The following TBCK variants were observed in gnomAD, a reference collection of about 807,000 sequenced individuals.
The protein encoded by TBCK is TBC domain-containing protein kinase-like protein.
A neutral mutation model predicts 113.4 loss-of-function variants in TBCK; 99 were observed. The observed-to-expected ratio is 0.87, with a 90% CI of 0.74 to 1.03. The LOEUF (loss-of-function observed/expected upper bound fraction) is 1.03, where lower values mean the gene tolerates loss of function less well. Ranked by LOEUF, TBCK falls within the 50% of genes least tolerant of loss-of-function variation. The pLI, the probability that TBCK is intolerant of heterozygous loss-of-function variation, is 0.00. For missense variants in TBCK, 1,045 were observed against 1,061.3 expected (o/e 0.98, Z 0.21); for synonymous variants, 369 against 370.8 (o/e 1.00, Z 0.05).
chr4:106,046,657 C>A lies in TBCK; in HGVS notation c.2595G>T (p.Met865Ile), dbSNP rs1462320896. Residue 865 changes from methionine (M) to isoleucine (I), a missense_variant, in exon 26 of 26, where the codon ATG becomes ATT. Met to Ile is a conservative substitution (Grantham distance 10). Coordinates refer to ENST00000394708, the MANE Select transcript of TBCK (RefSeq NM_001163435.3). ...TAEFAAHLVKMKYPRICILDG... is the reference protein window; with the variant it reads ...TAEFAAHLVKIKYPRICILDG... ...CTAGAATACAGATTCTTGGATATTT[C>A]ATCTTCACAAGGTGAGCTGCAAACT... The A allele has an allele frequency of 6.2e-7, 1 of 1,610,770 alleles. No homozygotes were observed. Among genetic ancestry groups the A allele is most frequent in the East Asian group, 2.2e-5 (1 of 44,796 alleles).
Position 106,116,239 on chromosome 4 carries a change from G to T in TBCK, c.2375C>A (p.Pro792Gln). The change falls in exon 24 of 26, where the codon CCA becomes CAA. Residue 792 changes from proline to glutamine, a missense_variant. By Grantham distance (76) the Pro-to-Gln change is moderately conservative. Coordinates refer to ENST00000394708, the MANE Select transcript of TBCK (RefSeq NM_001163435.3). Reference protein sequence around the residue: ...TPSKKTKSSKPKLLVVDIRNS... With the variant: ...TPSKKTKSSKQKLLVVDIRNS... The stretch of plus-strand genomic sequence containing the variant: ...CCGGATGTCAACCACCAGGAGCTTT[G>T]GTTTACTGGACTTTGTTTTCTTGCT... 6.2e-7 allele frequency: 1 copy of T among 1,613,976 alleles called. No individual in the cohort carries two copies. The highest frequency in any genetic ancestry group is 8.5e-7 in the Non-Finnish European group (1 of 1,179,994).
chr4:106,262,023 A>AT, intron 4 of TBCK, 75 bp downstream of exon 4: 1 of 683,396 alleles, frequency 1.5e-6, no homozygotes, highest in East Asian at 3.0e-5. Context: ...TGTTCCTCTG[A>AT]CTGAGTAGCC....
At chr4:106,231,638 G>T in intron 18 of TBCK, 91 bp downstream of exon 18, 2 of 1,134,720 alleles carry the variant, frequency 1.8e-6, no homozygotes, top group Non-Finnish European at 2.6e-6. Flanking sequence ...GAGAATAAGA[G>T]CCTTAAAACA....
At chr4:106,238,912 C>A (rs1393564189) in intron 12 of TBCK, among the ~76,000 whole-genome samples, 4 of 152,116 alleles carry the variant, frequency 2.6e-5, no homozygotes, top group Admixed American at 2.0e-4. Flanking sequence ...GAGAGAAAAA[C>A]TTCTGGAGGC....
chr4:106,292,878 G>A (rs532713341), intron 3 of TBCK, among the ~76,000 whole-genome samples: 21 of 152,270 alleles, frequency 1.4e-4, no homozygotes, highest in African/African-American at 4.6e-4. Context: ...GTTCAAGTTC[G>A]CAGATAAAGT....
chr4:106,249,061 A>C, intron 7 of TBCK, 79 bp from the exon 8 acceptor site: 1 of 999,344 alleles, frequency 1.0e-6, no homozygotes, highest in Non-Finnish European at 1.5e-6. Flanking sequence ...CTGATCAAAA[A>C]TGTTTTAATG....
chr4:106,180,716 C>G (rs1162569771), intron 22 of TBCK, among the ~76,000 whole-genome samples: 1 of 152,010 alleles, frequency 6.6e-6, no homozygotes, highest in South Asian at 2.1e-4. Context: ...ATGAACTCAT[C>G]TTTTTTATGG....
At chr4:106,096,003 G>A (rs1336622304) in intron 24 of TBCK, among the ~76,000 whole-genome samples, 1 of 152,114 alleles carries the variant, frequency 6.6e-6, no homozygotes, top group Admixed American at 6.6e-5. Context: ...CTAGTCAGCT[G>A]CTGCTTCATC....
intron 19 of TBCK, among the ~76,000 whole-genome samples, chr4:106,226,357 A>T (rs1560861024): frequency 6.6e-6 from 1 of 152,224 alleles, no homozygotes; most frequent in Non-Finnish European, 1.5e-5. Context: ...ATGTAACAGA[A>T]GATGTCTCAT....
intron 2 of TBCK, among the ~76,000 whole-genome samples, chr4:106,302,039 A>G: frequency 6.6e-6 from 1 of 152,236 alleles, no homozygotes; most frequent in East Asian, 1.9e-4. Context: ...CTCTAACGGT[A>G]AATTATTCCT....
intron 25 of TBCK, among the ~76,000 whole-genome samples, chr4:106,067,753 T>C (rs1451973408): frequency 6.6e-6 from 1 of 152,168 alleles, no homozygotes; most frequent in East Asian, 1.9e-4. Context: ...ATAATCTATC[T>C]TTTCTCACTA....
At chr4:106,296,651 A>G (rs1560985385) in intron 2 of TBCK, among the ~76,000 whole-genome samples, 1 of 152,154 alleles carries the variant, frequency 6.6e-6, no homozygotes, top group Admixed American at 6.5e-5. Context: ...ATGGGATTAT[A>G]CAGAATGATC....
chr4:106,210,511 A>C (rs778468628), intron 20 of TBCK, among the ~76,000 whole-genome samples: 15 of 152,192 alleles, frequency 9.9e-5, no homozygotes, highest in Non-Finnish European at 2.2e-4. Flanking sequence ...CTCAGATCTG[A>C]AAGGTTCCCT....
At chr4:106,158,094 T>C (rs1315471773) in intron 23 of TBCK, among the ~76,000 whole-genome samples, 1 of 152,148 alleles carries the variant, frequency 6.6e-6, no homozygotes, top group Admixed American at 6.5e-5. Context: ...TCAAGGGAAA[T>C]ATTACATTGG....
At chr4:106,121,119 C>G (rs934799365) in intron 23 of TBCK, among the ~76,000 whole-genome samples, 2 of 152,034 alleles carry the variant, frequency 1.3e-5, no homozygotes, top group Admixed American at 6.6e-5. Flanking sequence ...GTGCTGTATT[C>G]AGGAAACCCA....
intron 23 of TBCK, among the ~76,000 whole-genome samples, chr4:106,122,680 A>C (rs1395612200): frequency 1.3e-5 from 2 of 152,188 alleles, no homozygotes; most frequent in East Asian, 1.9e-4. Context: ...ATCCACTATC[A>C]TCAAGTGGGC....
chr4:106,153,998 T>C (rs184776437), intron 23 of TBCK, among the ~76,000 whole-genome samples: 1 of 152,228 alleles, frequency 6.6e-6, no homozygotes, highest in African/African-American at 2.4e-5. Context: ...CATTAGGTCT[T>C]GCTTTTTTAA....
intron 23 of TBCK, among the ~76,000 whole-genome samples, chr4:106,155,708 A>G: frequency 6.6e-6 from 1 of 151,956 alleles, no homozygotes. Context: ...CACTTTTTCA[A>G]GTATAGAATT....
chr4:106,105,298 T>C (rs959073036), intron 24 of TBCK, among the ~76,000 whole-genome samples: 7 of 152,338 alleles, frequency 4.6e-5, no homozygotes, highest in African/African-American at 1.7e-4. Flanking sequence ...CGCTGAGTGA[T>C]TGATGACCTG....
Sources: allele counts gnomAD v4.1 joint callset (sites outside exome capture counted in the v4.1 genomes callset), GRCh38; gene constraint gnomAD v4.1.1; transcripts MANE v1.5; gene names NCBI Gene and HGNC (gene_info 2026-07-23, HGNC 2026-07-21).